The following ZFYVE16 variants were observed in gnomAD, a reference collection of about 807,000 sequenced individuals.
ZFYVE16 encodes zinc finger FYVE domain-containing protein 16.
In ZFYVE16, 89 loss-of-function variants were observed where a neutral mutation model predicts 138.1. The ratio of observed to expected loss-of-function variants is 0.64; its 90% CI spans 0.54 to 0.77. ZFYVE16 has a LOEUF of 0.77. ZFYVE16 is among the 30% of genes least tolerant of loss of function. The pLI, the probability that ZFYVE16 is intolerant of heterozygous loss-of-function variation, is 0.00. For missense variants in ZFYVE16, 1,793 were observed against 1,786.7 expected (o/e 1.00, Z -0.06); for synonymous variants, 596 against 618.3 (o/e 0.96, Z 0.53).
chr5:80,441,528 G>T lies in ZFYVE16; in HGVS notation c.2419+1496G>T, dbSNP rs543639151. The T allele has an allele frequency of 1.4e-5, 14 of 985,332 alleles. No homozygotes were observed. In the East Asian group the frequency reaches 1.5e-3, roughly 104 times the overall value. 61.0% of individuals were successfully genotyped at this position (985,332 alleles called of 1,614,324 possible). ...AGCTTTAGGGTTGAAAATAATAGAA[G>T]TGATCATTTAAAATAATGGTATCAA... is the stretch of plus-strand genomic sequence containing the variant. On this transcript the variant is annotated intron_variant, in intron 5 of 18. Coordinates refer to ENST00000505560, the MANE Select transcript of ZFYVE16 (RefSeq NM_001284236.3).
At chr5:80,441,512 G>T in intron 5 of ZFYVE16, 1 of 985,354 alleles carries the variant, frequency 1.0e-6, no homozygotes. Flanking sequence ...CAGCTTTAGG[G>T]TTGAAAATAA....
At chr5:80,413,136 A>T (rs571505829) in intron 1 of ZFYVE16, among the ~76,000 whole-genome samples, 2 of 151,854 alleles carry the variant, frequency 1.3e-5, no homozygotes, top group Non-Finnish European at 1.5e-5. Context: ...ATATCGTGCC[A>T]CTGCAGTCCA....
rs1419987821 is a variant in ZFYVE16, at chr5:80,481,716, A to C, written c.*4339A>C. Among the ~76,000 whole-genome samples, 1 of 152,208 alleles carries C rather than the reference A, an allele frequency of 6.6e-6. No individual in the cohort carries two copies. Among genetic ancestry groups the C allele is most frequent in the Non-Finnish European group, 1.5e-5 (1 of 68,034 alleles). The stretch of plus-strand genomic sequence containing the variant: ...ACAACCCAAAATGATTGGACAAAGA[A>C]CTTGTGAAACCTAAGCAACTCTCTA... On this transcript the variant is annotated 3_prime_UTR_variant, in exon 19 of 19. Transcript: ENST00000505560.
At chr5:80,470,026 T>G (rs1754150643) in intron 15 of ZFYVE16, among the ~76,000 whole-genome samples, 1 of 151,370 alleles carries the variant, frequency 6.6e-6, no homozygotes, top group African/African-American at 2.4e-5. Flanking sequence ...TATATACATA[T>G]ATATGTGTGT....
intron 1 of ZFYVE16, among the ~76,000 whole-genome samples, chr5:80,427,141 T>G (rs1748202424): frequency 6.6e-6 from 1 of 151,906 alleles, no homozygotes; most frequent in African/African-American, 2.4e-5. Context: ...GCCTCTTGCC[T>G]CCCTGAGAGC....
rs182331074 is a variant in ZFYVE16, at chr5:80,474,221, T to G, written c.4293+362T>G. On this transcript the variant is annotated intron_variant, in intron 17 of 18. Transcript: ENST00000505560. ...TGAAAGTTACTTTTTCATGTTTTAG[T>G]TTTTTTTTAAATTAGAGGATATGAA... Among the ~76,000 whole-genome samples the G allele has an allele frequency of 3.0e-3, 458 of 151,794 alleles. 3 individuals carry two copies. Among genetic ancestry groups the G allele is most frequent in the African/African-American group, 0.011 (441 of 41,390 alleles).
chr5:80,474,969 T>C (rs1754753868), intron 18 of ZFYVE16, 139 bp downstream of exon 18: 4 of 913,822 alleles, frequency 4.4e-6, no homozygotes, highest in Admixed American at 2.9e-5. Context: ...TCACATATAT[T>C]ATCTGTATTA....
At chr5:80,443,658 A>G (rs1163850758) in intron 6 of ZFYVE16, 12 of 451,346 alleles carry the variant, frequency 2.7e-5, no homozygotes, top group South Asian at 7.9e-5. Context: ...GTAGACCTCC[A>G]GATTTGATGT....
At position 80,435,411 on chromosome 5, in the gene ZFYVE16, C is replaced by T. The variant is rs557276170; in HGVS notation, c.70+1194C>T. Among the ~76,000 whole-genome samples the T allele has an allele frequency of 3.9e-5, 6 of 152,310 alleles. No homozygotes were observed. In the South Asian group the frequency reaches 6.2e-4, roughly 16 times the overall value. On this transcript the variant is annotated intron_variant, in intron 3 of 18. Coordinates refer to ENST00000505560, the MANE Select transcript of ZFYVE16 (RefSeq NM_001284236.3). ...CTTAAACGCCTGGCCTCAGGTTATCCGCCTGTCTCAGCCTCCCAAAGTGCT... is the reference window on the plus strand; with the variant it reads ...CTTAAACGCCTGGCCTCAGGTTATCTGCCTGTCTCAGCCTCCCAAAGTGCT...
chr5:80,441,288 C>CT (rs1380146431), intron 5 of ZFYVE16: 9 of 985,126 alleles, frequency 9.1e-6, no homozygotes, highest in Admixed American at 6.2e-5. Flanking sequence ...TATTTTGACT[C>CT]TAAGGGTCCA....
chr5:80,446,952 G>T (rs114573325), intron 7 of ZFYVE16, among the ~76,000 whole-genome samples: 3,280 of 151,996 alleles, frequency 0.022, 56 homozygotes, highest in South Asian at 0.046. Flanking sequence ...TCGATTCTGG[G>T]TACGTATATT....
At chr5:80,469,461 T>C (rs1754079612) in intron 15 of ZFYVE16, among the ~76,000 whole-genome samples, 1 of 152,136 alleles carries the variant, frequency 6.6e-6, no homozygotes, top group African/African-American at 2.4e-5. Flanking sequence ...CAGGCTGGTC[T>C]CAATCTTCTG....
chr5:80,459,709 C>A (rs1752909327), intron 15 of ZFYVE16, among the ~76,000 whole-genome samples: 1 of 152,130 alleles, frequency 6.6e-6, no homozygotes, highest in South Asian at 2.1e-4. Context: ...TGGTGTTTAT[C>A]ATTCTCTTGC....
chr5:80,464,888 CA>C (rs1277037920), intron 15 of ZFYVE16, among the ~76,000 whole-genome samples: 4 of 152,072 alleles, frequency 2.6e-5, no homozygotes, highest in Non-Finnish European at 5.9e-5. Context: ...CAATATAATT[CA>C]GATAAATACC....
intron 2 of ZFYVE16, among the ~76,000 whole-genome samples, chr5:80,432,003 TA>T (rs1159408129): frequency 6.6e-6 from 1 of 152,150 alleles, no homozygotes; most frequent in Non-Finnish European, 1.5e-5. Flanking sequence ...AAAATGGCCA[TA>T]CTGCCCAAGG....
chr5:80,444,445 C>CTT (rs61461674), intron 6 of ZFYVE16, among the ~76,000 whole-genome samples: 1 of 145,148 alleles, frequency 6.9e-6, no homozygotes, highest in African/African-American at 2.5e-5. Flanking sequence ...AGACATTGAA[C>CTT]TTTTTTTTTT....
intron 3 of ZFYVE16, chr5:80,435,979 G>C (rs949843676): frequency 1.9e-5 from 4 of 207,052 alleles, no homozygotes; most frequent in African/African-American, 9.6e-5. Flanking sequence ...ATAGCTTTGG[G>C]TTCTCTCTCC....
intron 1 of ZFYVE16, among the ~76,000 whole-genome samples, chr5:80,423,213 G>A (rs1747500473): frequency 6.6e-6 from 1 of 151,950 alleles, no homozygotes; most frequent in African/African-American, 2.4e-5. Flanking sequence ...ATAGATGTAG[G>A]GATTTTGGGT....
Position 80,443,152 on chromosome 5 carries a change from A to G in ZFYVE16, c.2449A>G (p.Thr817Ala), listed in dbSNP as rs780224878. 7 of 1,584,802 alleles carry G rather than the reference A, an allele frequency of 4.4e-6. No homozygotes were observed. The highest frequency in any genetic ancestry group is 1.2e-5 in the South Asian group (1 of 84,894). The change falls in exon 6 of 19, where the codon ACT becomes GCT. Residue 817 changes from threonine (T) to alanine (A), a missense_variant. Physicochemically the swap from Thr to Ala is moderately conservative, Grantham distance 58. Coordinates refer to ENST00000505560, the MANE Select transcript of ZFYVE16 (RefSeq NM_001284236.3). ...GGCATTTGAAAGGATGATGAGTCCA[A>G]CTGGTTCTAATCTTAAGTCTAATCA... is the stretch of plus-strand genomic sequence containing the variant. ...AQAFERMMSP[T>A]GSNLKSNHSD... is the part of the protein sequence containing the mutation.
Sources: gnomAD v4.1 joint callset for allele counts (sites outside exome capture counted in the v4.1 genomes callset) on GRCh38, gnomAD v4.1.1 for gene constraint, MANE v1.5 for transcripts, NCBI Gene and HGNC (gene_info 2026-07-23, HGNC 2026-07-21) for gene names.